Variants in PTPRE observed in about 807,000 individuals in gnomAD.
PTPRE encodes receptor-type tyrosine-protein phosphatase epsilon.
Under a neutral mutation model 102.0 loss-of-function variants are expected in PTPRE, and 51 were observed. That is an observed-to-expected ratio of 0.50 (90% CI 0.40 to 0.63). PTPRE has a LOEUF of 0.63. Ranked by LOEUF, PTPRE falls within the 30% of genes least tolerant of loss-of-function variation. PTPRE has a pLI of 0.00. For synonymous variants in PTPRE, 345 were observed against 348.2 expected, an observed-to-expected ratio of 0.99 and a Z score of 0.10; for missense variants, 752 against 915.1, an observed-to-expected ratio of 0.82 and a Z score of 2.30.
At chr10:127,969,687 G>GA (rs1388968772) in intron 1 of PTPRE, among the ~76,000 whole-genome samples, 19 of 133,812 alleles carry the variant, frequency 1.4e-4, no homozygotes, top group African/African-American at 4.8e-4. Context: ...AAAAAAGGGG[G>GA]GCGGGGGGAT....
intron 20 of PTPRE, among the ~76,000 whole-genome samples, chr10:128,082,195 C>CTCTCTTTTTTTTTTTTTTTTTTTT (rs1554951767): frequency 1.1e-5 from 1 of 89,036 alleles, no homozygotes. Context: ...TTTTCTCTTT[C>CTCTCTTTTTTTTTTTTTTTTTTTT]TTTTTTTTTT....
intron 2 of PTPRE, among the ~76,000 whole-genome samples, chr10:128,004,940 G>A (rs1854368610): frequency 6.6e-6 from 1 of 152,212 alleles, no homozygotes. Context: ...CCTAAGAGAT[G>A]TGAAGTGGAG....
chr10:128,076,845 A>G, intron 18 of PTPRE, 117 bp downstream of exon 18: 3 of 1,421,240 alleles, frequency 2.1e-6, no homozygotes, highest in Non-Finnish European at 2.9e-6. Flanking sequence ...TCCTTCACCT[A>G]GTCCCATTGG....
chr10:128,014,162 G>A (rs548017002), intron 2 of PTPRE, among the ~76,000 whole-genome samples: 38 of 152,272 alleles, frequency 2.5e-4, no homozygotes, highest in African/African-American at 8.7e-4. Flanking sequence ...ATGAGGACCA[G>A]GGCTTTGGCA....
chr10:127,980,338 C>A (rs1331554027), intron 1 of PTPRE, among the ~76,000 whole-genome samples: 1 of 143,974 alleles, frequency 6.9e-6, no homozygotes, highest in Non-Finnish European at 1.5e-5. Context: ...TATACAAATC[C>A]TTTTTTTTTT....
chr10:127,915,586 G>A (rs115852849), intron 1 of PTPRE, among the ~76,000 whole-genome samples: 1,572 of 152,314 alleles, frequency 0.01, 21 homozygotes, highest in African/African-American at 0.036. Context: ...TTTGCGCAAA[G>A]TCCAGATTTG....
At chr10:127,976,067 G>A (rs1468702004) in intron 1 of PTPRE, among the ~76,000 whole-genome samples, 5 of 152,060 alleles carry the variant, frequency 3.3e-5, no homozygotes, top group Non-Finnish European at 7.3e-5. Context: ...TCTTCTCTTG[G>A]TGGCAGTTAA....
Position 128,068,292 on chromosome 10 carries a change from C to A in PTPRE, c.1007+6C>A. The A allele has an allele frequency of 1.2e-6, 2 of 1,609,018 alleles. No homozygotes were observed. The highest frequency in any genetic ancestry group is 1.7e-6 in the Non-Finnish European group (2 of 1,176,622). ...CCCATCGTGGTCCACTGTAGGTACGCTGTGGGGGCCACGGGGCGGGACCCT... is the reference window on the plus strand; with the variant it reads ...CCCATCGTGGTCCACTGTAGGTACGATGTGGGGGCCACGGGGCGGGACCCT... On this transcript the variant is annotated splice_donor_region_variant and intron_variant, in intron 12 of 20. Coordinates refer to ENST00000254667, the MANE Select transcript of PTPRE (RefSeq NM_006504.6).
intron 16 of PTPRE, chr10:128,072,506 G>T: frequency 4.0e-6 from 1 of 252,916 alleles, no homozygotes; most frequent in Non-Finnish European, 7.6e-6. Context: ...ACAAAAATTA[G>T]CTGGGCGTGA....
Position 128,083,228 on chromosome 10 carries a change from T to C in PTPRE, c.*322T>C, listed in dbSNP as rs1851867963. ...AATGTTGTAATCTTAATATGCGAAG[T>C]GTGCCTCTGCAAGATACTAACACAA... On this transcript the variant is annotated 3_prime_UTR_variant, in exon 21 of 21. Coordinates refer to ENST00000254667, the MANE Select transcript of PTPRE (RefSeq NM_006504.6). 5.6e-6 allele frequency: 1 copy of C among 179,268 alleles called. No homozygotes were observed. The highest frequency in any genetic ancestry group is 1.7e-4 in the East Asian group (1 of 5,936). 11.1% of individuals were successfully genotyped at this position (179,268 alleles called of 1,614,324 possible). A position where few individuals can be genotyped will look rare whatever the true frequency, so the allele number is the denominator to read the frequency against.
chr10:128,047,439 G>A lies in PTPRE; in HGVS notation c.159G>A (p.Leu53=). 1.2e-6 allele frequency: 2 copies of A among 1,613,304 alleles called. No homozygotes were observed. Among genetic ancestry groups the A allele is most frequent in the Middle Eastern group, 3.5e-4 (2 of 5,724 alleles). The change falls in exon 4 of 21, where the codon CTG becomes CTA. Residue 53 remains leucine, a synonymous_variant. Coordinates refer to ENST00000254667, the MANE Select transcript of PTPRE (RefSeq NM_006504.6). ...AGCCGCTGCTGGCCTGGCTGCTACTGCCGCTGCTGCTCCTCCTCCTCGTGC... is the reference window on the plus strand; with the variant it reads ...AGCCGCTGCTGGCCTGGCTGCTACTACCGCTGCTGCTCCTCCTCCTCGTGC... The part of the protein sequence containing the change: ...ASQPLLAWLL[L]PLLLLLLVLL...
At chr10:127,963,671 A>AGTGTGT in intron 1 of PTPRE, among the ~76,000 whole-genome samples, 1 of 150,632 alleles carries the variant, frequency 6.6e-6, no homozygotes, top group South Asian at 2.1e-4. Flanking sequence ...CCTGGGGTGG[A>AGTGTGT]GTGTGTGTGT....
At chr10:127,982,133 T>C in intron 1 of PTPRE, 141 bp from the exon 2 acceptor site, 1 of 370,770 alleles carries the variant, frequency 2.7e-6, no homozygotes, top group South Asian at 2.3e-5. Flanking sequence ...ATCATCTAGA[T>C]AAAGAGGTCT....
intron 2 of PTPRE, among the ~76,000 whole-genome samples, chr10:127,990,998 G>T (rs532850963): frequency 1.3e-5 from 2 of 152,320 alleles, no homozygotes; most frequent in East Asian, 3.9e-4. Context: ...GGGCCATTCT[G>T]GCAAATGGTT....
chr10:128,022,731 C>T (rs544433830), intron 2 of PTPRE, among the ~76,000 whole-genome samples: 29 of 152,198 alleles, frequency 1.9e-4, no homozygotes, highest in African/African-American at 2.7e-4. Context: ...TCATGGCCAG[C>T]GGAGACAGCT....
chr10:127,923,147 A>T (rs1403558344), intron 1 of PTPRE, among the ~76,000 whole-genome samples: 2 of 152,240 alleles, frequency 1.3e-5, no homozygotes, highest in African/African-American at 4.8e-5. Context: ...TTCTTTTGAC[A>T]TGAGTAATAG....
chr10:127,997,906 A>G (rs1343559281), intron 2 of PTPRE, among the ~76,000 whole-genome samples: 1 of 152,260 alleles, frequency 6.6e-6, no homozygotes, highest in Non-Finnish European at 1.5e-5. Context: ...TTACACCAGC[A>G]GACACGGACA....
At chr10:128,012,499 C>T (rs977953660) in intron 2 of PTPRE, among the ~76,000 whole-genome samples, 3 of 152,208 alleles carry the variant, frequency 2.0e-5, no homozygotes, top group African/African-American at 7.2e-5. Flanking sequence ...GGCAGCGAGG[C>T]ACCCACCCAG....
chr10:128,070,779 CTG>C lies in PTPRE; in HGVS notation c.1294-25_1294-24del, dbSNP rs1850697267. 1 of 1,598,438 alleles carries C rather than the reference CTG, an allele frequency of 6.3e-7. No homozygotes were observed. The highest frequency in any genetic ancestry group is 1.3e-5 in the African/African-American group (1 of 74,738). On this transcript the variant is annotated intron_variant, in intron 14 of 20. Transcript: ENST00000254667. This position sits in a 1 kb window ranked among gnomAD's most constrained non-coding sequence, Gnocchi z 4.8. ...GTGCTCAGGAGTGTCAGAGGTTTAA[CTG>C]TGTCATTATATCCTTCTCTGCTGCA...
Sources: gnomAD v4.1 joint callset for allele counts (sites outside exome capture counted in the v4.1 genomes callset) on GRCh38, gnomAD v4.1.1 for gene constraint, Gnocchi (gnomAD v3.1) non-coding constraint, MANE v1.5 for transcripts, NCBI Gene and HGNC (gene_info 2026-07-23, HGNC 2026-07-21) for gene names.